TRPM5: variants seen among roughly 807,000 people sequenced by gnomAD.
The protein encoded by TRPM5 is MLSN1 and TRP-related.
A neutral mutation model predicts 124.9 loss-of-function variants in TRPM5; 121 were observed. That is an observed-to-expected ratio of 0.97 (90% CI 0.84 to 1.13). TRPM5 has a LOEUF of 1.13. TRPM5 is among the 50% of genes most tolerant of loss of function. TRPM5 has a pLI of 0.00. For missense variants in TRPM5, 1,643 were observed against 1,589.1 expected (o/e 1.03, Z -0.58); for synonymous variants, 781 against 700.5 (o/e 1.11, Z -1.81).
In TRPM5 at chr11:2,420,213, G is replaced by T; in HGVS notation, c.649+9C>A. ...CAAGGCTTCCCTGGGTGGCTGGGGC[G>T]GGTCTCACCCCCGTAGCCCGCCCTC... On this transcript the variant is annotated intron_variant, in intron 4 of 23. Transcript: ENST00000155858. 6.3e-7 allele frequency: 1 copy of T among 1,584,818 alleles called. No individual in the cohort carries two copies. The highest frequency in any genetic ancestry group is 8.5e-7 in the Non-Finnish European group (1 of 1,169,916).
chr11:2,440,575 G>C, the TRPM5 span, among the ~76,000 whole-genome samples: 1 of 152,050 alleles, frequency 6.6e-6, no homozygotes, highest in Non-Finnish European at 1.5e-5. This position sits in a 1 kb window ranked among gnomAD's most constrained non-coding sequence, Gnocchi z 5.2. Context: ...CTGCTCCAGG[G>C]TCTCTGTGGA....
chr11:2,405,574 A>G (rs1381427234), exon 23 of TRPM5: 2 of 1,564,402 alleles, frequency 1.3e-6, no homozygotes, highest in Non-Finnish European at 1.7e-6. Context: ...GGAGGACACG[A>G]GCACCGAGCA....
At chr11:2,444,318 C>G in the TRPM5 span, among the ~76,000 whole-genome samples, 3 of 152,084 alleles carry the variant, frequency 2.0e-5, no homozygotes, top group East Asian at 3.9e-4. Context: ...TTTCCTCCCC[C>G]CAACCCCAAC....
intron 18 of TRPM5, 22 bp from the exon 24 acceptor site, chr11:2,407,934 G>A: frequency 6.2e-7 from 1 of 1,611,218 alleles, no homozygotes; most frequent in Non-Finnish European, 8.5e-7. Context: ...GGGTGCTGTG[G>A]GGACCAGACC....
chr11:2,425,476 G>A (rs530431599), upstream of TRPM5, among the ~76,000 whole-genome samples: 1 of 152,328 alleles, frequency 6.6e-6, no homozygotes, highest in East Asian at 1.9e-4. Flanking sequence ...TCTTCATGGT[G>A]CGCCATCTGC....
chr11:2,410,134 G>A (rs1405893852), intron 18 of TRPM5, among the ~76,000 whole-genome samples: 1 of 152,198 alleles, frequency 6.6e-6, no homozygotes, highest in Non-Finnish European at 1.5e-5. Flanking sequence ...TAAACTAATG[G>A]CCTGGAAAAT....
chr11:2,422,398 A>G, intron 1 of TRPM5, 77 bp from the exon 7 acceptor site: 5 of 797,868 alleles, frequency 6.3e-6, no homozygotes, highest in Non-Finnish European at 9.1e-6. Context: ...GGGGCTGGAC[A>G]CAAGGGGGCA....
At chr11:2,413,313 A>T (rs1850493110) in intron 13 of TRPM5, 87 bp from the exon 19 acceptor site, 1 of 1,369,572 alleles carries the variant, frequency 7.3e-7, no homozygotes, top group African/African-American at 1.5e-5. Context: ...CAAAGTGCCC[A>T]CTGGGATGCA....
chr11:2,414,836 GC>G lies in TRPM5; in HGVS notation c.1622del (p.Gly541AlafsTer93). Reference sequence around the variant, plus strand: ...CCAGTGCGGCTGCCACACCTTCCTGGCCCTACGAGACCTGGTCTCAGGAGGC... The same window carrying G: ...CCAGTGCGGCTGCCACACCTTCCTGGCCTACGAGACCTGGTCTCAGGAGGC... On this transcript the variant is annotated frameshift_variant and splice_region_variant, in exon 11 of 24. Transcript: ENST00000155858. LOFTEE classifies it high-confidence loss of function. 6.3e-7 allele frequency: 1 copy of G among 1,592,360 alleles called. No individual in the cohort carries two copies. Among genetic ancestry groups the G allele is most frequent in the Non-Finnish European group, 8.5e-7 (1 of 1,170,684 alleles).
the TRPM5 span, among the ~76,000 whole-genome samples, chr11:2,440,311 C>T: frequency 6.6e-6 from 1 of 152,168 alleles, no homozygotes; most frequent in Admixed American, 6.5e-5. This position sits in a 1 kb window ranked among gnomAD's most constrained non-coding sequence, Gnocchi z 5.2. Flanking sequence ...CACACATACC[C>T]TCTGAATCTA....
chr11:2,420,277 C>G, exon 4 of TRPM5: 2 of 1,612,062 alleles, frequency 1.2e-6, no homozygotes, highest in South Asian at 1.1e-5. Flanking sequence ...GCCGCAGCTC[C>G]GTCAGCCCAT....
chr11:2,435,081 T>C, the TRPM5 span, among the ~76,000 whole-genome samples: 1 of 152,158 alleles, frequency 6.6e-6, no homozygotes, highest in Non-Finnish European at 1.5e-5. This position sits in a 1 kb window ranked among gnomAD's most constrained non-coding sequence, Gnocchi z 4.1. Context: ...ATTACAGGCA[T>C]GAGCCACCAC....
the TRPM5 span, among the ~76,000 whole-genome samples, chr11:2,440,181 G>T: frequency 6.6e-6 from 1 of 152,164 alleles, no homozygotes; most frequent in Admixed American, 6.5e-5. The surrounding 1 kb of genome is among the most constrained non-coding windows in gnomAD (Gnocchi z 5.2). Flanking sequence ...ACTGGGGACT[G>T]GTAGATGGTG....
chr11:2,414,009 G>GGGCGCCCCCCCCCCCCCCCC, intron 12 of TRPM5, 52 bp downstream of exon 17: 7 of 1,023,724 alleles, frequency 6.8e-6, no homozygotes, highest in East Asian at 5.6e-5. Context: ...GGCCCAGCTC[G>GGGCGCCCCCCCCCCCCCCCC]CCCGCCCACC....
chr11:2,405,927 G>A (rs1027808370), intron 22 of TRPM5, 92 bp downstream of exon 27: 3 of 1,204,234 alleles, frequency 2.5e-6, no homozygotes, highest in African/African-American at 3.0e-5. Flanking sequence ...CCTCATCTCT[G>A]TGAGTGACCG....
chr11:2,432,623 C>A, the TRPM5 span, among the ~76,000 whole-genome samples: 1 of 152,260 alleles, frequency 6.6e-6, no homozygotes, highest in Admixed American at 6.5e-5. Flanking sequence ...CCACAGGCAG[C>A]CTCCCCCCAG....
chr11:2,411,776 TG>T lies in TRPM5; in HGVS notation c.2475-10del. The T allele has an allele frequency of 6.2e-7, 1 of 1,611,938 alleles. No homozygotes were observed. Among genetic ancestry groups the T allele is most frequent in the South Asian group, 1.1e-5 (1 of 91,046 alleles). ...ACGCCGACGGCAGCATCCTGGAGGA[TG>T]GGAGGCTGATGCGGCTGCGGGGCCC... On this transcript the variant is annotated splice_polypyrimidine_tract_variant and intron_variant, in intron 16 of 23. Transcript: ENST00000155858.
chr11:2,441,437 C>G, the TRPM5 span, among the ~76,000 whole-genome samples: 1 of 151,936 alleles, frequency 6.6e-6, no homozygotes, highest in Non-Finnish European at 1.5e-5. The surrounding 1 kb of genome is among the most constrained non-coding windows in gnomAD (Gnocchi z 7.2). Context: ...TGAGCCCACA[C>G]CCAGCCCAGC....
At chr11:2,412,992 G>T in exon 15 of TRPM5, 1 of 1,605,012 alleles carries the variant, frequency 6.2e-7, no homozygotes, top group Non-Finnish European at 8.5e-7. Context: ...AGCCCTCGGC[G>T]CCTCCACCAG....
Sources: allele counts gnomAD v4.1 joint callset (sites outside exome capture counted in the v4.1 genomes callset), GRCh38; gene constraint gnomAD v4.1.1; non-coding constraint Gnocchi (gnomAD v3.1); transcripts MANE v1.5; gene names NCBI Gene and HGNC (gene_info 2026-07-23, HGNC 2026-07-21).